THOC7: variants seen among roughly 807,000 people sequenced by gnomAD.
THOC7 encodes NIF3L1-binding protein 1.
In THOC7, 22 loss-of-function variants were observed where a neutral mutation model predicts 33.1. That is an observed-to-expected ratio of 0.66 (90% confidence interval 0.47 to 0.95). The LOEUF is 0.95. Ranked by LOEUF, THOC7 falls within the 40% of genes least tolerant of loss-of-function variation. The pLI is 0.00. For missense variants in THOC7, 184 were observed against 245.3 expected, an observed-to-expected ratio of 0.75 and a Z score of 1.67; for synonymous variants, 77 against 76.8, an observed-to-expected ratio of 1.00 and a Z score of -0.01.
chr3:63,850,050 A>G (rs1701988134), intron 1 of THOC7, among the ~76,000 whole-genome samples: 1 of 152,204 alleles, frequency 6.6e-6, no homozygotes, highest in Non-Finnish European at 1.5e-5. Flanking sequence ...AACTTTTCCC[A>G]AGACCATTGG....
intron 7 of THOC7, among the ~76,000 whole-genome samples, chr3:63,834,786 C>T (rs954545288): frequency 6.6e-6 from 1 of 152,130 alleles, no homozygotes; most frequent in Non-Finnish European, 1.5e-5. Flanking sequence ...TTCCCCAAAG[C>T]ACCCACTACT....
intron 1 of THOC7, chr3:63,854,565 G>A (rs1280658024): frequency 1.3e-5 from 2 of 152,148 alleles, no homozygotes; most frequent in Non-Finnish European, 2.9e-5. Flanking sequence ...CTATGAGGAT[G>A]AACATCATCT....
At chr3:63,839,888 T>C in intron 1 of THOC7, 115 bp from the exon 2 acceptor site, 1 of 808,460 alleles carries the variant, frequency 1.2e-6, no homozygotes, top group Non-Finnish European at 2.0e-6. Flanking sequence ...TGTAAATGCA[T>C]TTAATGCCAC....
At chr3:63,847,870 C>A (rs559744602) in intron 1 of THOC7, among the ~76,000 whole-genome samples, 18 of 152,202 alleles carry the variant, frequency 1.2e-4, no homozygotes, top group Admixed American at 1.0e-3. Context: ...GAATGGACAC[C>A]CATTCAATAG....
intron 1 of THOC7, among the ~76,000 whole-genome samples, chr3:63,845,430 C>A (rs976611825): frequency 6.6e-6 from 1 of 152,068 alleles, no homozygotes; most frequent in African/African-American, 2.4e-5. Context: ...GACAGAAATA[C>A]GGGTTGCATC....
intron 1 of THOC7, chr3:63,863,369 T>A (rs1702280980): frequency 1.1e-6 from 1 of 899,552 alleles, no homozygotes; most frequent in South Asian, 5.2e-5. Context: ...CTGTCCACCC[T>A]TCGCGGCTCC....
intron 1 of THOC7, among the ~76,000 whole-genome samples, chr3:63,856,479 T>C (rs1702117348): frequency 6.6e-6 from 1 of 152,168 alleles, no homozygotes; most frequent in Non-Finnish European, 1.5e-5. Flanking sequence ...TTTTGCATTG[T>C]ATGCATGTAT....
chr3:63,852,159 A>G (rs994928332), intron 1 of THOC7, among the ~76,000 whole-genome samples: 39 of 152,218 alleles, frequency 2.6e-4, no homozygotes, highest in Non-Finnish European at 4.0e-4. Context: ...TTCTGCAGGC[A>G]TGCAGAATGC....
At chr3:63,850,347 C>T (rs780506665) in intron 1 of THOC7, among the ~76,000 whole-genome samples, 17 of 151,704 alleles carry the variant, frequency 1.1e-4, no homozygotes, top group South Asian at 2.1e-4. Flanking sequence ...ATTATAGGCA[C>T]GTACCACCAC....
At chr3:63,846,171 T>C (rs1192674563) in intron 1 of THOC7, 2 of 444,748 alleles carry the variant, frequency 4.5e-6, no homozygotes, top group African/African-American at 4.0e-5. Context: ...ATATTTACAA[T>C]CTACTACTAA....
intron 1 of THOC7, chr3:63,860,590 C>G (rs763215408): frequency 2.0e-5 from 3 of 152,128 alleles, no homozygotes; most frequent in Admixed American, 6.5e-5. Flanking sequence ...ACAGAGCAGA[C>G]GAGGTCCTGC....
intron 1 of THOC7, among the ~76,000 whole-genome samples, chr3:63,842,103 G>A (rs1471054756): frequency 6.6e-6 from 1 of 152,062 alleles, no homozygotes; most frequent in Non-Finnish European, 1.5e-5. Context: ...TTGATGCTGT[G>A]GTTTGAATGT....
intron 1 of THOC7, among the ~76,000 whole-genome samples, chr3:63,847,467 G>A (rs903681507): frequency 6.6e-6 from 1 of 152,234 alleles, no homozygotes; most frequent in African/African-American, 2.4e-5. Flanking sequence ...GCCGGGTGCA[G>A]TGGCTCACGC....
intron 1 of THOC7, among the ~76,000 whole-genome samples, chr3:63,855,631 T>C (rs1291909545): frequency 6.6e-6 from 1 of 152,190 alleles, no homozygotes; most frequent in Non-Finnish European, 1.5e-5. Context: ...TCCCTATATT[T>C]GCCATTAAAA....
At chr3:63,840,336 T>C (rs896022174) in intron 1 of THOC7, among the ~76,000 whole-genome samples, 4 of 152,064 alleles carry the variant, frequency 2.6e-5, no homozygotes, top group Non-Finnish European at 5.9e-5. Context: ...GATAAACATA[T>C]AATTTAAGGC....
Position 63,863,797 on chromosome 3 carries a change from C to CGCGGCGGCGGCGGCGGCGGCGGCG in THOC7, c.-8_-7insCGCCGCCGCCGCCGCCGCCGCCGC, listed in dbSNP as rs546741642. The CGCGGCGGCGGCGGCGGCGGCGGCG allele has an allele frequency of 8.1e-7, 1 of 1,236,062 alleles. No homozygotes were observed. The highest frequency in any genetic ancestry group is 3.9e-5 in the South Asian group (1 of 25,708). 76.6% of individuals were successfully genotyped at this position (1,236,062 alleles called of 1,614,324 possible). On this transcript the variant is annotated 5_prime_UTR_variant, in exon 1 of 8. Transcript: ENST00000295899. The stretch of plus-strand genomic sequence containing the variant: ...CGTCAGTCACGGCTCCCATGGCGTG[C>CGCGGCGGCGGCGGCGGCGGCGGCG]GCGGCGGCGGCGGCGGCGGCGGCGG...
intron 1 of THOC7, among the ~76,000 whole-genome samples, chr3:63,843,300 T>C (rs1008684233): frequency 7.2e-5 from 11 of 151,906 alleles, no homozygotes; most frequent in South Asian, 2.1e-4. Flanking sequence ...GTATTTCCAG[T>C]AGAGATGGGG....
intron 5 of THOC7, among the ~76,000 whole-genome samples, chr3:63,835,713 T>G (rs1459140382): frequency 6.6e-6 from 1 of 152,060 alleles, no homozygotes; most frequent in African/African-American, 2.4e-5. Context: ...GTAAAAGAAA[T>G]AAAACATTGC....
intron 1 of THOC7, among the ~76,000 whole-genome samples, chr3:63,852,556 T>TGG (rs1658651615): frequency 6.6e-6 from 1 of 152,150 alleles, no homozygotes; most frequent in Non-Finnish European, 1.5e-5. Context: ...AGGCTGAAGC[T>TGG]GGGGCATGAG....
Sources: gnomAD v4.1 joint callset for allele counts (sites outside exome capture counted in the v4.1 genomes callset) on GRCh38, gnomAD v4.1.1 for gene constraint, MANE v1.5 for transcripts, NCBI Gene and HGNC (gene_info 2026-07-23, HGNC 2026-07-21) for gene names.